PELI2: variants seen among roughly 807,000 people sequenced by gnomAD.
The protein encoded by PELI2 is E3 ubiquitin-protein ligase pellino homolog 2.
PELI2 carries 23 observed loss-of-function variants against 42.3 expected under a neutral mutation model. The ratio of observed to expected loss-of-function variants is 0.54; its 90% CI spans 0.39 to 0.77. The LOEUF (loss-of-function observed/expected upper bound fraction) is 0.77. Among genes scored for constraint, PELI2 ranks in the 30% least tolerant of loss-of-function variants. PELI2 has a pLI of 0.00. For missense variants in PELI2, 463 were observed against 553.2 expected, an observed-to-expected ratio of 0.84 and a Z score of 1.64; for synonymous variants, 245 against 212.2, an observed-to-expected ratio of 1.15 and a Z score of -1.34.
chr14:56,141,964 C>A (rs1883928863), intron 1 of PELI2, among the ~76,000 whole-genome samples: 1 of 152,184 alleles, frequency 6.6e-6, no homozygotes, highest in Admixed American at 6.5e-5. Context: ...TTGCTTGTGG[C>A]TATTCAGTAC....
At chr14:56,167,261 A>T (rs901413851) in intron 1 of PELI2, among the ~76,000 whole-genome samples, 3 of 151,948 alleles carry the variant, frequency 2.0e-5, no homozygotes, top group Non-Finnish European at 4.4e-5. Context: ...TAAACTTTCT[A>T]TTCCTATCTC....
chr14:56,289,216 A>G (rs1295313163), intron 4 of PELI2, among the ~76,000 whole-genome samples: 1 of 152,218 alleles, frequency 6.6e-6, no homozygotes, highest in Non-Finnish European at 1.5e-5. Flanking sequence ...GTGAAAATGT[A>G]CTATTCCCAC....
chr14:56,290,154 A>G (rs2139896727), intron 4 of PELI2, 114 bp from the exon 5 acceptor site: 3 of 739,664 alleles, frequency 4.1e-6, no homozygotes, highest in Non-Finnish European at 4.3e-6. Flanking sequence ...GAAAATGAAA[A>G]TTCATCACCT....
chr14:56,255,790 A>G (rs1888507684), intron 2 of PELI2, among the ~76,000 whole-genome samples: 1 of 152,070 alleles, frequency 6.6e-6, no homozygotes, highest in Non-Finnish European at 1.5e-5. Context: ...CCCCACTCTA[A>G]TCTTATTATG....
chr14:56,126,405 T>G (rs1883262937), intron 1 of PELI2, among the ~76,000 whole-genome samples: 1 of 152,242 alleles, frequency 6.6e-6, no homozygotes, highest in South Asian at 2.1e-4. Context: ...GCATAATGCT[T>G]CTCACTCTCA....
At chr14:56,195,253 C>T (rs927845421) in intron 2 of PELI2, among the ~76,000 whole-genome samples, 2 of 152,188 alleles carry the variant, frequency 1.3e-5, no homozygotes, top group Non-Finnish European at 2.9e-5. Context: ...TTCTGGAAGT[C>T]TCTTGTGGCT....
At chr14:56,191,866 G>A (rs141088869) in intron 2 of PELI2, among the ~76,000 whole-genome samples, 2,218 of 152,108 alleles carry the variant, frequency 0.015, 24 homozygotes, top group Middle Eastern at 0.061. Context: ...ACAGAGTGTC[G>A]CTCTGTCACC....
intron 2 of PELI2, among the ~76,000 whole-genome samples, chr14:56,208,473 T>C (rs1379918464): frequency 6.6e-6 from 1 of 152,214 alleles, no homozygotes; most frequent in East Asian, 1.9e-4. Context: ...TGCATTTGCC[T>C]TTTTTCCTTG....
chr14:56,252,871 T>A (rs1020209149), intron 2 of PELI2, among the ~76,000 whole-genome samples: 4 of 152,130 alleles, frequency 2.6e-5, no homozygotes, highest in African/African-American at 9.7e-5. Flanking sequence ...GCCAGCATTA[T>A]CCTGATACCA....
At chr14:56,267,537 G>A (rs377323581) in intron 2 of PELI2, among the ~76,000 whole-genome samples, 3 of 152,126 alleles carry the variant, frequency 2.0e-5, no homozygotes, top group African/African-American at 7.2e-5. Flanking sequence ...TCAAAATTTT[G>A]TATATTAAGA....
At chr14:56,191,899 C>T (rs1885960436) in intron 2 of PELI2, among the ~76,000 whole-genome samples, 1 of 152,130 alleles carries the variant, frequency 6.6e-6, no homozygotes, top group African/African-American at 2.4e-5. Context: ...ACACTGCACA[C>T]CCAGGAGTGC....
Position 56,239,250 on chromosome 14 carries a change from TAGTCTAGAA to T in PELI2, c.208-40414_208-40406del, listed in dbSNP as rs1435263020. Among the ~76,000 whole-genome samples, 3 of 152,228 alleles carry T rather than the reference TAGTCTAGAA, an allele frequency of 2.0e-5. No individual in the cohort carries two copies. In the East Asian group the frequency reaches 5.8e-4, roughly 29 times the overall value. ...AACAGTTGCCTTTGTGAGTTTTAAA[TAGTCTAGAA>T]AGTCTAGAAAGATGAATATGTGTTC... On this transcript the variant is annotated intron_variant, in intron 2 of 5. Coordinates refer to ENST00000267460, the MANE Select transcript of PELI2 (RefSeq NM_021255.3).
intron 2 of PELI2, among the ~76,000 whole-genome samples, chr14:56,262,211 A>G (rs931918495): frequency 1.3e-5 from 2 of 152,242 alleles, no homozygotes; most frequent in East Asian, 1.9e-4. Flanking sequence ...GACAGCAAGT[A>G]TAATAACCTA....
intron 1 of PELI2, among the ~76,000 whole-genome samples, chr14:56,157,359 C>T (rs753333975): frequency 1.3e-4 from 20 of 152,140 alleles, no homozygotes; most frequent in Non-Finnish European, 2.5e-4. Context: ...TTTCTAATCT[C>T]ATGGTTCAGC....
intron 1 of PELI2, among the ~76,000 whole-genome samples, chr14:56,159,081 A>C (rs568359621): frequency 2.6e-5 from 4 of 152,358 alleles, no homozygotes; most frequent in African/African-American, 9.6e-5. Context: ...CAGTCTTTAG[A>C]TACAGAGGAA....
Position 56,298,879 on chromosome 14 carries a change from G to T in PELI2, c.*1713G>T, listed in dbSNP as rs1890092927. 6.6e-6 allele frequency: 1 copy of T among 152,146 alleles called. No homozygotes were observed. Among genetic ancestry groups the T allele is most frequent in the Non-Finnish European group, 1.5e-5 (1 of 68,024 alleles). The allele number at this position is 152,146 out of a possible 1,614,324, so 9.4% of individuals were successfully genotyped here. A position where few individuals can be genotyped will look rare whatever the true frequency, so the allele number is the denominator to read the frequency against. On this transcript the variant is annotated 3_prime_UTR_variant, in exon 6 of 6. Transcript: ENST00000267460. ...GTAAATTTTAAATGGTGTGAAAATCGATGACAACAGTCCTCTTACAGATAG... is the reference window on the plus strand; with the variant it reads ...GTAAATTTTAAATGGTGTGAAAATCTATGACAACAGTCCTCTTACAGATAG...
At chr14:56,293,827 G>C (rs971657981) in intron 5 of PELI2, among the ~76,000 whole-genome samples, 22 of 152,210 alleles carry the variant, frequency 1.4e-4, no homozygotes, top group Non-Finnish European at 2.9e-4. Flanking sequence ...ATAAGACTTT[G>C]TTGTTTACCA....
chr14:56,191,861 G>A (rs887158203), intron 2 of PELI2, among the ~76,000 whole-genome samples: 1 of 152,164 alleles, frequency 6.6e-6, no homozygotes, highest in Admixed American at 6.5e-5. Context: ...TTGAGACAGA[G>A]TGTCGCTCTG....
At chr14:56,240,971 G>A (rs1887954359) in intron 2 of PELI2, among the ~76,000 whole-genome samples, 1 of 152,092 alleles carries the variant, frequency 6.6e-6, no homozygotes, top group Non-Finnish European at 1.5e-5. Context: ...AAAATAACGA[G>A]AAAGCAAGAA....
Sources: gnomAD v4.1 joint callset for allele counts (sites outside exome capture counted in the v4.1 genomes callset) on GRCh38, gnomAD v4.1.1 for gene constraint, MANE v1.5 for transcripts, NCBI Gene and HGNC (gene_info 2026-07-23, HGNC 2026-07-21) for gene names.